Variants in DOCK2 observed in about 807,000 individuals in gnomAD.
DOCK2 encodes dedicator of cytokinesis 2.
Under a neutral mutation model 248.9 loss-of-function variants are expected in DOCK2, and 87 were observed. The ratio of observed to expected loss-of-function variants is 0.35; its 90% CI spans 0.29 to 0.42. The LOEUF (loss-of-function observed/expected upper bound fraction) is 0.42. Among genes scored for constraint, DOCK2 ranks in the 10% least tolerant of loss-of-function variants. DOCK2 has a pLI of 1.00. For missense variants in DOCK2, 1,747 were observed against 2,300.2 expected, an observed-to-expected ratio of 0.76 and a Z score of 4.92; for synonymous variants, 805 against 821.6, an observed-to-expected ratio of 0.98 and a Z score of 0.35.
At chr5:170,019,865 C>T (rs943840992) in intron 33 of DOCK2, among the ~76,000 whole-genome samples, 13 of 152,090 alleles carry the variant, frequency 8.5e-5, no homozygotes, top group African/African-American at 3.1e-4. Flanking sequence ...TCAGGCCTCA[C>T]CCCCTGTCCT....
intron 34 of DOCK2, among the ~76,000 whole-genome samples, 196 bp from the exon 35 acceptor site, chr5:170,034,203 A>AT (rs1756241303): frequency 2.1e-5 from 3 of 141,720 alleles, no homozygotes; most frequent in East Asian, 2.2e-4. Context: ...TTTTATTTTT[A>AT]TTTTTTCCCA....
At chr5:169,734,972 C>T (rs543308207) in intron 22 of DOCK2, among the ~76,000 whole-genome samples, 17 of 152,276 alleles carry the variant, frequency 1.1e-4, no homozygotes, top group Admixed American at 8.5e-4. Flanking sequence ...TGTTTGTCCT[C>T]GGTGTATTCC....
chr5:169,848,468 G>A (rs1467494134), intron 27 of DOCK2, among the ~76,000 whole-genome samples: 2 of 152,236 alleles, frequency 1.3e-5, no homozygotes, highest in Non-Finnish European at 2.9e-5. Flanking sequence ...TGGTGAGGGT[G>A]TGCCTCAAGA....
At position 169,954,718 on chromosome 5, in the gene DOCK2, A is replaced by C. The variant is rs564393931; in HGVS notation, c.2800-28350A>C. ...AACTTGTTGTTGTTGTTGTTTGTTT[A>C]TTTGTTTTTACATGTTCCAAGATGA... On this transcript the variant is annotated intron_variant, in intron 27 of 51. Coordinates refer to ENST00000520908, the MANE Select transcript of DOCK2 (RefSeq NM_004946.3). Among the ~76,000 whole-genome samples, 4 of 152,168 alleles carry C rather than the reference A, an allele frequency of 2.6e-5. No individual in the cohort carries two copies. The South Asian group carries it at 8.3e-4, about 32-fold the overall frequency.
chr5:169,919,875 C>T (rs761252422), intron 27 of DOCK2, among the ~76,000 whole-genome samples: 22 of 152,118 alleles, frequency 1.4e-4, no homozygotes, highest in Non-Finnish European at 2.6e-4. Context: ...CATTAACCAG[C>T]AGATTAGTAT....
chr5:169,811,735 C>T (rs1003656025), intron 26 of DOCK2, among the ~76,000 whole-genome samples: 3 of 152,174 alleles, frequency 2.0e-5, no homozygotes, highest in African/African-American at 7.2e-5. Context: ...GTAGATCTTA[C>T]TATCCCCATT....
At chr5:169,689,398 G>GA in intron 9 of DOCK2, 65 bp downstream of exon 9, 1 of 1,564,432 alleles carries the variant, frequency 6.4e-7, no homozygotes, top group Non-Finnish European at 8.8e-7. Flanking sequence ...TTGGAAATGA[G>GA]GCTGGTCAGG....
intron 23 of DOCK2, among the ~76,000 whole-genome samples, chr5:169,752,050 G>A (rs938603229): frequency 3.3e-5 from 5 of 152,194 alleles, no homozygotes; most frequent in African/African-American, 1.2e-4. Context: ...TTTCAACAAT[G>A]GACCACATGC....
At chr5:169,769,748 C>T (rs1764984429) in intron 25 of DOCK2, among the ~76,000 whole-genome samples, 1 of 152,210 alleles carries the variant, frequency 6.6e-6, no homozygotes, top group Admixed American at 6.5e-5. Context: ...GACACAGCTC[C>T]AGGAGCCTGA....
At chr5:169,841,587 G>T in intron 27 of DOCK2, 1 of 368,182 alleles carries the variant, frequency 2.7e-6, no homozygotes, top group Non-Finnish European at 3.8e-6. Context: ...GGCCTGAAAT[G>T]CCTTTGCCCC....
chr5:169,975,599 C>A (rs2113773010), intron 27 of DOCK2, among the ~76,000 whole-genome samples: 1 of 152,254 alleles, frequency 6.6e-6, no homozygotes, highest in East Asian at 1.9e-4. Flanking sequence ...TTTGCATGAC[C>A]CATTTTCACT....
intron 27 of DOCK2, among the ~76,000 whole-genome samples, chr5:169,939,261 C>T (rs1776133140): frequency 6.7e-6 from 1 of 150,058 alleles, no homozygotes; most frequent in South Asian, 2.2e-4. Flanking sequence ...CACAAACACA[C>T]ACAGGAGCCT....
At chr5:170,023,023 G>A (rs1755782933) in intron 33 of DOCK2, among the ~76,000 whole-genome samples, 1 of 152,154 alleles carries the variant, frequency 6.6e-6, no homozygotes, top group South Asian at 2.1e-4. Flanking sequence ...CTGTCTTGCT[G>A]GCCAATTCTT....
intron 19 of DOCK2, among the ~76,000 whole-genome samples, 168 bp from the exon 20 acceptor site, chr5:169,716,045 T>G (rs79778585): frequency 0.019 from 2,837 of 152,304 alleles, 79 homozygotes; most frequent in African/African-American, 0.064. Context: ...GGCAGTTGGG[T>G]TCCTCCAACT....
chr5:169,761,866 AG>A (rs1008987575), intron 25 of DOCK2, among the ~76,000 whole-genome samples: 16 of 152,174 alleles, frequency 1.1e-4, no homozygotes, highest in Admixed American at 5.2e-4. Context: ...AAGTTTAATG[AG>A]GTTTTTTTTT....
chr5:169,663,128 A>T (rs1301622951), intron 2 of DOCK2, among the ~76,000 whole-genome samples: 2 of 152,256 alleles, frequency 1.3e-5, no homozygotes, highest in Admixed American at 6.5e-5. Context: ...TACAGGCCTC[A>T]TGCAAGTCCA....
intron 22 of DOCK2, among the ~76,000 whole-genome samples, chr5:169,733,817 G>A (rs1762906424): frequency 6.6e-6 from 1 of 152,108 alleles, no homozygotes. Context: ...TGGCTTGTAA[G>A]ATCATCTCTT....
chr5:169,924,895 A>C (rs1012998155), intron 27 of DOCK2, among the ~76,000 whole-genome samples: 2 of 152,128 alleles, frequency 1.3e-5, no homozygotes, highest in African/African-American at 2.4e-5. Context: ...TACTTCCTCT[A>C]GAAGTCCCCA....
chr5:169,903,172 G>A (rs1774041371), intron 27 of DOCK2, among the ~76,000 whole-genome samples: 1 of 151,954 alleles, frequency 6.6e-6, no homozygotes, highest in Non-Finnish European at 1.5e-5. Flanking sequence ...AGCTACTGGG[G>A]AAGCTGAGGT....
Sources: allele counts gnomAD v4.1 joint callset (sites outside exome capture counted in the v4.1 genomes callset), GRCh38; gene constraint gnomAD v4.1.1; transcripts MANE v1.5; gene names NCBI Gene and HGNC (gene_info 2026-07-23, HGNC 2026-07-21).